Variants in MCC observed in about 807,000 individuals in gnomAD.
MCC encodes MCC regulator of Wnt signaling pathway.
A neutral mutation model predicts 116.2 loss-of-function variants in MCC; 90 were observed. The ratio of observed to expected loss-of-function variants is 0.77; its 90% CI spans 0.65 to 0.92. The LOEUF (loss-of-function observed/expected upper bound fraction) is 0.92. MCC is among the 40% of genes least tolerant of loss of function. The pLI is 0.00. For missense variants in MCC, 1,516 were observed against 1,312.2 expected (o/e 1.16, Z -2.40); for synonymous variants, 578 against 510.5 (o/e 1.13, Z -1.78).
At chr5:113,201,080 C>A (rs1367741003) in intron 3 of MCC, among the ~76,000 whole-genome samples, 1 of 152,084 alleles carries the variant, frequency 6.6e-6, no homozygotes, top group Non-Finnish European at 1.5e-5. Flanking sequence ...ATGCTTGGAA[C>A]TGGAAATAAG....
intron 2 of MCC, among the ~76,000 whole-genome samples, chr5:113,373,275 A>G (rs1768887069): frequency 6.6e-6 from 1 of 152,190 alleles, no homozygotes; most frequent in African/African-American, 2.4e-5. Context: ...GAAGGTGTCC[A>G]CAACACAATT....
chr5:113,363,023 T>C (rs1373436512), intron 2 of MCC, among the ~76,000 whole-genome samples: 1 of 152,130 alleles, frequency 6.6e-6, no homozygotes, highest in African/African-American at 2.4e-5. Context: ...CTCATGCCTG[T>C]AATCCCAGCA....
intron 5 of MCC, among the ~76,000 whole-genome samples, chr5:113,127,223 TACC>T (rs1263114571): frequency 6.6e-6 from 1 of 152,276 alleles, no homozygotes; most frequent in Non-Finnish European, 1.5e-5. Flanking sequence ...GGTATATACG[TACC>T]ACATTTTCTT....
chr5:113,052,017 C>T (rs1752518649), intron 15 of MCC, among the ~76,000 whole-genome samples: 1 of 152,068 alleles, frequency 6.6e-6, no homozygotes, highest in South Asian at 2.1e-4. Flanking sequence ...GCAATGGCTG[C>T]CCTGGATCAT....
chr5:113,465,140 C>A (rs1258482160), intron 1 of MCC, among the ~76,000 whole-genome samples: 7 of 144,706 alleles, frequency 4.8e-5, no homozygotes, highest in Non-Finnish European at 9.0e-5. Context: ...GAAGGGAGGC[C>A]ACATAAAATA....
At chr5:113,305,484 T>C (rs1212855968) in intron 3 of MCC, among the ~76,000 whole-genome samples, 1 of 152,226 alleles carries the variant, frequency 6.6e-6, no homozygotes, top group Non-Finnish European at 1.5e-5. Context: ...CTTACAAATT[T>C]GTGTAAATGG....
rs199869272 is a variant in MCC at position 113,488,264 on chromosome 5, C to G, written c.151G>C (p.Gly51Arg). Reference protein sequence around the residue: ...RRLFQTCDGDGDGYISRNDLL... With the variant: ...RRLFQTCDGDRDGYISRNDLL... ...GCGTACCTGCTGATGTATCCGTCCC[C>G]GTCGCCGTCGCACGTCTGGAAGAGG... The change falls in exon 1 of 19, where the codon GGG becomes CGG. Residue 51 changes from glycine to arginine, a missense_variant. Gly to Arg is a moderately radical substitution (Grantham distance 125). Coordinates refer to ENST00000408903, the MANE Select transcript of MCC (RefSeq NM_001085377.2). The G allele has an allele frequency of 6.3e-5, 101 of 1,595,198 alleles. No homozygotes were observed. The African/African-American group carries it at 1.3e-3, about 21-fold the overall frequency.
intron 15 of MCC, among the ~76,000 whole-genome samples, chr5:113,052,194 A>C (rs563388377): frequency 6.6e-6 from 1 of 152,176 alleles, no homozygotes; most frequent in Admixed American, 6.5e-5. Flanking sequence ...ACGTTGGCCA[A>C]TTTTAAAAAG....
chr5:113,149,853 G>A (rs1203896725), intron 4 of MCC, among the ~76,000 whole-genome samples: 1 of 152,118 alleles, frequency 6.6e-6, no homozygotes, highest in Non-Finnish European at 1.5e-5. Context: ...CATCAGCTTG[G>A]GGAGAATCAG....
rs1770803994 is a variant in MCC at position 113,434,924 on chromosome 5, G to T, written c.171-49712C>A. On this transcript the variant is annotated intron_variant, in intron 1 of 18. Coordinates refer to ENST00000408903, the MANE Select transcript of MCC (RefSeq NM_001085377.2). The surrounding 1 kb of genome is among the most constrained non-coding windows in gnomAD (Gnocchi z 4.2). ...CAGCAGTGTGCTCATTTACATCCTGGATAGAGAGTCCTTTGGGCTGGCCAG... is the reference window on the plus strand; with the variant it reads ...CAGCAGTGTGCTCATTTACATCCTGTATAGAGAGTCCTTTGGGCTGGCCAG... 6.7e-7 allele frequency: 1 copy of T among 1,500,232 alleles called. No individual in the cohort carries two copies. The highest frequency in any genetic ancestry group is 1.3e-5 in the South Asian group (1 of 75,058). 92.9% of individuals were successfully genotyped at this position (1,500,232 alleles called of 1,614,324 possible). A position where few individuals can be genotyped will look rare whatever the true frequency, so the allele number is the denominator to read the frequency against.
At chr5:113,324,916 T>C (rs1324030425) in intron 3 of MCC, among the ~76,000 whole-genome samples, 1 of 151,026 alleles carries the variant, frequency 6.6e-6, no homozygotes, top group Admixed American at 6.6e-5. Flanking sequence ...CACTGCAGCC[T>C]CAAACTCTTG....
At chr5:113,312,349 C>A (rs1767155941) in intron 3 of MCC, among the ~76,000 whole-genome samples, 1 of 151,816 alleles carries the variant, frequency 6.6e-6, no homozygotes, top group Admixed American at 6.6e-5. Flanking sequence ...ATACATATAA[C>A]AGAGTTCACA....
At chr5:113,247,150 G>T (rs918841264) in intron 3 of MCC, among the ~76,000 whole-genome samples, 1 of 152,232 alleles carries the variant, frequency 6.6e-6, no homozygotes, top group East Asian at 1.9e-4. Flanking sequence ...ATGGAGGAAG[G>T]TAGGGCGTAT....
At chr5:113,265,977 C>G (rs2150350702) in intron 3 of MCC, among the ~76,000 whole-genome samples, 1 of 152,174 alleles carries the variant, frequency 6.6e-6, no homozygotes, top group East Asian at 1.9e-4. Flanking sequence ...GTAGGGAAAA[C>G]AAGCCATTTA....
In MCC at chr5:113,027,186, C is replaced by T. The variant is rs554738445; in HGVS notation, c.*116G>A. 2.4e-4 allele frequency: 270 copies of T among 1,114,928 alleles called. No individual in the cohort carries two copies. The highest frequency in any genetic ancestry group is 3.3e-4 in the Non-Finnish European group (257 of 789,206). The allele number at this position is 1,114,928 out of a possible 1,614,324, so 69.1% of individuals were successfully genotyped here. A position where few individuals can be genotyped will look rare whatever the true frequency, so the allele number is the denominator to read the frequency against. ...GGGCACTCCATTGTCCAAGTGCCGA[C>T]CTACCTGCCAGCCTTCCCTTTCCTC... On this transcript the variant is annotated 3_prime_UTR_variant, in exon 19 of 19. Transcript: ENST00000408903.
intron 3 of MCC, among the ~76,000 whole-genome samples, chr5:113,215,569 C>T (rs1763283989): frequency 6.6e-6 from 1 of 151,978 alleles, no homozygotes; most frequent in South Asian, 2.1e-4. Flanking sequence ...CATGGGCTGG[C>T]GGGGGAGGGC....
At chr5:113,406,728 T>A (rs188718733) in intron 1 of MCC, among the ~76,000 whole-genome samples, 2 of 152,282 alleles carry the variant, frequency 1.3e-5, no homozygotes, top group Admixed American at 1.3e-4. Context: ...AAGATAATGT[T>A]TACATTTGAG....
intron 3 of MCC, among the ~76,000 whole-genome samples, chr5:113,262,550 T>C (rs1765255141): frequency 6.6e-6 from 1 of 152,198 alleles, no homozygotes; most frequent in Non-Finnish European, 1.5e-5. Context: ...AAAACGTTTA[T>C]ACATGTCACC....
rs553719240 is a variant in MCC at position 113,307,980 on chromosome 5, T to C, written c.627+32539A>G. Among the ~76,000 whole-genome samples the C allele has an allele frequency of 3.3e-5, 5 of 152,108 alleles. No homozygotes were observed. In the East Asian group the frequency reaches 9.7e-4, roughly 29 times the overall value. On this transcript the variant is annotated intron_variant, in intron 3 of 18. Coordinates refer to ENST00000408903, the MANE Select transcript of MCC (RefSeq NM_001085377.2). ...CCATTTGCCTGTCTAAATCCTTTTTTTTTTTTTCTAAAGACAGAGTGTTGC... is the reference window on the plus strand; with the variant it reads ...CCATTTGCCTGTCTAAATCCTTTTTCTTTTTTTCTAAAGACAGAGTGTTGC...
Sources: gnomAD v4.1 joint callset for allele counts (sites outside exome capture counted in the v4.1 genomes callset) on GRCh38, gnomAD v4.1.1 for gene constraint, Gnocchi (gnomAD v3.1) non-coding constraint, MANE v1.5 for transcripts, NCBI Gene and HGNC (gene_info 2026-07-23, HGNC 2026-07-21) for gene names.